THEMIS: variants seen among roughly 807,000 people sequenced by gnomAD.
The protein encoded by THEMIS is protein THEMIS.
In THEMIS, 37 loss-of-function variants were observed where a neutral mutation model predicts 52.6. That is an observed-to-expected ratio of 0.70 (90% CI 0.54 to 0.93). THEMIS has a LOEUF of 0.93. THEMIS is among the 40% of genes least tolerant of loss of function. The pLI is 0.00. For synonymous variants in THEMIS, 292 were observed against 272.7 expected, an observed-to-expected ratio of 1.07 and a Z score of -0.70; for missense variants, 808 against 763.1, an observed-to-expected ratio of 1.06 and a Z score of -0.69.
Position 127,779,090 on chromosome 6 carries a change from C to G in THEMIS, c.1758+33793G>C, listed in dbSNP as rs146299606. On this transcript the variant is annotated intron_variant, in intron 4 of 5. Transcript: ENST00000368248. ...AGAAAATTTCTGCAGAAAACTGAAA[C>G]TACAGACTGCCTACATGTGATGATC... Among the ~76,000 whole-genome samples, 118 of 152,192 alleles carry G rather than the reference C, an allele frequency of 7.8e-4. 1 individual carries two copies. The highest frequency in any genetic ancestry group is 2.3e-3 in the African/African-American group (97 of 41,566).
At chr6:127,728,766 C>T (rs865996517) in intron 4 of THEMIS, among the ~76,000 whole-genome samples, 1 of 151,826 alleles carries the variant, frequency 6.6e-6, no homozygotes, top group African/African-American at 2.4e-5. Flanking sequence ...ATAACAAATA[C>T]ATCAGGAAAA....
rs1396059545 is a variant in THEMIS, at chr6:127,812,409, C to G, written c.1758+474G>C. On this transcript the variant is annotated intron_variant, in intron 4 of 5. Coordinates refer to ENST00000368248, the MANE Select transcript of THEMIS (RefSeq NM_001010923.3). ...CTGTTCTGCCAAGATATTTTTACATCTTTCTGCACATAAAACAAAATGAAG... is the reference window on the plus strand; with the variant it reads ...CTGTTCTGCCAAGATATTTTTACATGTTTCTGCACATAAAACAAAATGAAG... Among the ~76,000 whole-genome samples the G allele has an allele frequency of 2.0e-5, 3 of 152,178 alleles. No individual in the cohort carries two copies. The East Asian group carries it at 5.8e-4, about 29-fold the overall frequency.
chr6:127,740,476 A>C (rs1186656597), intron 4 of THEMIS, among the ~76,000 whole-genome samples: 1 of 152,220 alleles, frequency 6.6e-6, no homozygotes, highest in Non-Finnish European at 1.5e-5. Flanking sequence ...AATGTGATTT[A>C]ATCAAACTCA....
intron 1 of THEMIS, among the ~76,000 whole-genome samples, chr6:127,908,794 C>G (rs954646436): frequency 6.6e-6 from 1 of 151,678 alleles, no homozygotes; most frequent in Non-Finnish European, 1.5e-5. Context: ...TTTAACAGCT[C>G]TTTTCTCTTT....
intron 4 of THEMIS, among the ~76,000 whole-genome samples, chr6:127,803,738 C>G (rs1037098603): frequency 6.6e-6 from 1 of 152,196 alleles, no homozygotes; most frequent in Non-Finnish European, 1.5e-5. Flanking sequence ...TTCTTCACAT[C>G]AGTGGATCAG....
At chr6:127,863,197 C>T (rs771624036) in intron 1 of THEMIS, among the ~76,000 whole-genome samples, 1 of 152,160 alleles carries the variant, frequency 6.6e-6, no homozygotes, top group Non-Finnish European at 1.5e-5. Flanking sequence ...GTTTGAATTT[C>T]ATTTACATCT....
chr6:127,734,953 ATATATGTGTGTGTG>A (rs978998771), intron 4 of THEMIS, among the ~76,000 whole-genome samples: 8 of 143,868 alleles, frequency 5.6e-5, no homozygotes, highest in East Asian at 2.0e-4. Context: ...ATATATATAC[ATATATGTGTGTGTG>A]TATATGTGTG....
intron 4 of THEMIS, among the ~76,000 whole-genome samples, chr6:127,744,331 G>A (rs1775310581): frequency 6.6e-6 from 1 of 151,956 alleles, no homozygotes; most frequent in Non-Finnish European, 1.5e-5. Flanking sequence ...TCCAAGAAAT[G>A]TACAATTGAA....
chr6:127,826,194 G>T (rs912789156), intron 3 of THEMIS, among the ~76,000 whole-genome samples: 6 of 152,126 alleles, frequency 3.9e-5, no homozygotes, highest in Non-Finnish European at 8.8e-5. Context: ...CAGAAGAGCA[G>T]AATATGAGGA....
At position 127,813,084 on chromosome 6, in the gene THEMIS, G is replaced by A. The variant is rs1292130557; in HGVS notation, c.1557C>T (p.Phe519=). The A allele has an allele frequency of 5.0e-6, 8 of 1,614,084 alleles. No homozygotes were observed. The highest frequency in any genetic ancestry group is 4.5e-5 in the East Asian group (2 of 44,878). Residue 519 remains phenylalanine (F), a synonymous_variant, in exon 4 of 6, where the codon TTC becomes TTT. Transcript: ENST00000368248. ...LNMTVQLVSN[F]SRDAEPFLVR... is the part of the protein sequence containing the mutation. ...CTAGAAATGGTTCTGCATCCCTAGA[G>A]AAATTACTAACTAACTGAACAGTCA...
intron 2 of THEMIS, among the ~76,000 whole-genome samples, chr6:127,841,111 G>A (rs1228878001): frequency 1.3e-5 from 2 of 152,052 alleles, no homozygotes; most frequent in African/African-American, 4.8e-5. Context: ...GAGTGAAGAT[G>A]ATGTGTCAAT....
At chr6:127,803,317 G>A (rs1055584420) in intron 4 of THEMIS, among the ~76,000 whole-genome samples, 10 of 152,124 alleles carry the variant, frequency 6.6e-5, no homozygotes, top group Middle Eastern at 3.4e-3. Flanking sequence ...TTCATCACCC[G>A]AAAATGTTCC....
intron 2 of THEMIS, among the ~76,000 whole-genome samples, chr6:127,848,560 A>G (rs1245112160): frequency 6.6e-6 from 1 of 150,750 alleles, no homozygotes; most frequent in Non-Finnish European, 1.5e-5. Context: ...AAGTGTTCCT[A>G]TTTCTCCACA....
chr6:127,719,905 T>C, intron 4 of THEMIS, 82 bp from the exon 5 acceptor site: 1 of 1,518,532 alleles, frequency 6.6e-7, no homozygotes, highest in Non-Finnish European at 9.0e-7. Flanking sequence ...CACATGGCAA[T>C]TCATTTCTGT....
intron 4 of THEMIS, among the ~76,000 whole-genome samples, chr6:127,779,093 C>T (rs1316812124): frequency 6.6e-6 from 1 of 152,088 alleles, no homozygotes; most frequent in Non-Finnish European, 1.5e-5. Flanking sequence ...ACTGAAACTA[C>T]AGACTGCCTA....
intron 3 of THEMIS, among the ~76,000 whole-genome samples, chr6:127,823,988 G>T (rs1778422372): frequency 6.6e-6 from 1 of 152,054 alleles, no homozygotes; most frequent in African/African-American, 2.4e-5. Context: ...AAAATCCAAA[G>T]AAAAATGAAC....
At chr6:127,723,618 T>C (rs1774439471) in intron 4 of THEMIS, among the ~76,000 whole-genome samples, 1 of 152,008 alleles carries the variant, frequency 6.6e-6, no homozygotes, top group Admixed American at 6.6e-5. Context: ...CTCTGGACTC[T>C]AATTCTAATG....
rs756209392 is a variant in THEMIS, at chr6:127,787,864, TAG to T, written c.1758+25017_1758+25018del. 2.2e-3 allele frequency among the ~76,000 whole-genome samples: 285 copies of T among 130,610 alleles called. 2 individuals carry two copies. Among genetic ancestry groups the T allele is most frequent in the Non-Finnish European group, 3.1e-3 (186 of 60,600 alleles). The allele number at this position is 130,610 out of a possible 152,430, so 85.7% of individuals were successfully genotyped here. A position where few individuals can be genotyped will look rare whatever the true frequency, so the allele number is the denominator to read the frequency against. The stretch of plus-strand genomic sequence containing the variant: ...AGATAGACAGATATAGATAGATAGA[TAG>T]ATAGATAGATAGATATAGATAGATA... On this transcript the variant is annotated intron_variant, in intron 4 of 5. Transcript: ENST00000368248.
Position 127,709,226 on chromosome 6 carries a change from T to A in THEMIS, c.*759A>T, listed in dbSNP as rs1307805464. The A allele has an allele frequency of 6.6e-6, 1 of 152,016 alleles. No individual in the cohort carries two copies. The highest frequency in any genetic ancestry group is 1.5e-5 in the Non-Finnish European group (1 of 67,948). 9.4% of individuals were successfully genotyped at this position (152,016 alleles called of 1,614,324 possible). ...CCATCAAATATTATGATTAACTAGA[T>A]AATTTTCCTACAATCCTAAGAAACA... On this transcript the variant is annotated 3_prime_UTR_variant, in exon 6 of 6. Transcript: ENST00000368248.
Sources: gnomAD v4.1 joint callset for allele counts (sites outside exome capture counted in the v4.1 genomes callset) on GRCh38, gnomAD v4.1.1 for gene constraint, MANE v1.5 for transcripts, NCBI Gene and HGNC (gene_info 2026-07-23, HGNC 2026-07-21) for gene names.